COL22A1: variants seen among roughly 807,000 people sequenced by gnomAD.
The protein encoded by COL22A1 is collagen type XXII alpha 1 chain.
In COL22A1, 221 loss-of-function variants were observed where a neutral mutation model predicts 248.9. That is an observed-to-expected ratio of 0.89 (90% CI 0.80 to 0.99). COL22A1 has a LOEUF of 0.99. COL22A1 is among the 50% of genes least tolerant of loss of function. COL22A1 has a pLI of 0.00. For synonymous variants in COL22A1, 891 were observed against 793.4 expected (o/e 1.12, Z -2.07); for missense variants, 2,240 against 2,179.0 (o/e 1.03, Z -0.56).
At chr8:138,679,927 G>A (rs1825833589) in intron 39 of COL22A1, among the ~76,000 whole-genome samples, 1 of 152,166 alleles carries the variant, frequency 6.6e-6, no homozygotes, top group Admixed American at 6.5e-5. Flanking sequence ...AGAGGAGGCA[G>A]CATGACAGAA....
chr8:138,882,894 G>A (rs558247659), intron 2 of COL22A1, among the ~76,000 whole-genome samples, 188 bp downstream of exon 2: 4 of 152,262 alleles, frequency 2.6e-5, no homozygotes, highest in African/African-American at 9.6e-5. Flanking sequence ...GGCCCTTGCT[G>A]AGGAGCTGGT....
At chr8:138,605,929 T>C (rs190123795) in intron 58 of COL22A1, among the ~76,000 whole-genome samples, 1 of 152,266 alleles carries the variant, frequency 6.6e-6, no homozygotes, top group Admixed American at 6.5e-5. Flanking sequence ...TGCTCACCTT[T>C]ACTATTATTT....
intron 31 of COL22A1, 113 bp downstream of exon 31, chr8:138,703,193 C>T (rs1828107733): frequency 2.1e-6 from 2 of 958,568 alleles, no homozygotes; most frequent in South Asian, 1.3e-5. Context: ...TAGCTATTGG[C>T]AAACTCCAAT....
At chr8:138,623,682 C>A in intron 52 of COL22A1, 50 bp downstream of exon 52, 1 of 1,485,848 alleles carries the variant, frequency 6.7e-7, no homozygotes, top group Non-Finnish European at 9.2e-7. Flanking sequence ...TTGTTTTTGA[C>A]ATGTAATAGA....
intron 9 of COL22A1, among the ~76,000 whole-genome samples, chr8:138,809,198 CCT>C (rs1563792744): frequency 6.6e-6 from 1 of 152,162 alleles, no homozygotes; most frequent in East Asian, 1.9e-4. Context: ...TTCTCACCCC[CCT>C]GTGCTTGGGA....
chr8:138,844,907 G>T lies in COL22A1; in HGVS notation c.659-749C>A, dbSNP rs186543996. 1.5e-3 allele frequency among the ~76,000 whole-genome samples: 225 copies of T among 149,212 alleles called. 4 individuals carry two copies. The highest frequency in any genetic ancestry group is 2.8e-4 in the Non-Finnish European group (19 of 67,600). On this transcript the variant is annotated intron_variant, in intron 3 of 64. Coordinates refer to ENST00000303045, the MANE Select transcript of COL22A1 (RefSeq NM_152888.3). ...GGAGCTTGCAGTGAGCTGAGATCAC[G>T]TGGCTGCACTCCAGCCAGGGTGACA...
intron 44 of COL22A1, 113 bp from the exon 45 acceptor site, chr8:138,656,057 C>T (rs12675091): frequency 0.7 from 589,957 of 841,104 alleles, 215,645 homozygotes; most frequent in Middle Eastern, 0.8. Flanking sequence ...TGACACACTG[C>T]GCCGTGCGTG....
intron 13 of COL22A1, among the ~76,000 whole-genome samples, chr8:138,779,779 A>AGAAACAGG (rs1814793652): frequency 6.6e-6 from 1 of 151,970 alleles, no homozygotes; most frequent in Non-Finnish European, 1.5e-5. Flanking sequence ...TTTTTTCTTT[A>AGAAACAGG]GAAACAGGGT....
In COL22A1 at chr8:138,859,636, A is replaced by G. The variant is rs1176073322; in HGVS notation, c.659-15478T>C. ...CTAGAGAGGGCAAGTGAGGGGGTGT[A>G]GCACACAATCTAGGGGTGGCGCCAC... On this transcript the variant is annotated intron_variant, in intron 3 of 64. Transcript: ENST00000303045. Among the ~76,000 whole-genome samples, 3 of 152,100 alleles carry G rather than the reference A, an allele frequency of 2.0e-5. No homozygotes were observed. In the East Asian group the frequency reaches 5.8e-4, roughly 29 times the overall value.
chr8:138,707,934 A>G (rs1217896077), intron 30 of COL22A1, among the ~76,000 whole-genome samples: 2 of 152,220 alleles, frequency 1.3e-5, no homozygotes, highest in Non-Finnish European at 2.9e-5. Flanking sequence ...CAACTTCAGC[A>G]AAGTCTCAGG....
intron 58 of COL22A1, among the ~76,000 whole-genome samples, chr8:138,605,029 G>T (rs982647996): frequency 1.3e-5 from 2 of 152,094 alleles, no homozygotes; most frequent in African/African-American, 2.4e-5. Context: ...CACCAAGAGG[G>T]CCTCCAGGAT....
chr8:138,827,949 T>G (rs1586839425), intron 5 of COL22A1: 1 of 151,690 alleles, frequency 6.6e-6, no homozygotes, highest in Admixed American at 6.6e-5. Context: ...TTCCTCTCCT[T>G]CCCTCCACAA....
intron 3 of COL22A1, among the ~76,000 whole-genome samples, chr8:138,874,322 C>T (rs1823551493): frequency 6.6e-6 from 1 of 152,092 alleles, no homozygotes; most frequent in South Asian, 2.1e-4. Flanking sequence ...TCAGGGCGGA[C>T]GTGTGTTCTG....
chr8:138,795,142 G>C (rs1816392927), intron 12 of COL22A1, among the ~76,000 whole-genome samples: 1 of 152,170 alleles, frequency 6.6e-6, no homozygotes, highest in Admixed American at 6.5e-5. Flanking sequence ...TTGAGCATTT[G>C]GTTCCTGGTG....
chr8:138,717,407 A>T (rs936220995), intron 27 of COL22A1, among the ~76,000 whole-genome samples: 5 of 152,124 alleles, frequency 3.3e-5, no homozygotes, highest in Non-Finnish European at 7.3e-5. Context: ...TCGGCCTCCC[A>T]AAGTGCTGGG....
chr8:138,676,922 T>G (rs1482852924), intron 40 of COL22A1, among the ~76,000 whole-genome samples: 1 of 152,220 alleles, frequency 6.6e-6, no homozygotes, highest in Non-Finnish European at 1.5e-5. Flanking sequence ...CCTCCCCATG[T>G]GAGCATTGTC....
chr8:138,884,330 T>G (rs887387398), intron 1 of COL22A1, among the ~76,000 whole-genome samples: 1 of 152,118 alleles, frequency 6.6e-6, no homozygotes, highest in Non-Finnish European at 1.5e-5. Context: ...CCAGGCCAAC[T>G]TCACTGGGCA....
intron 23 of COL22A1, among the ~76,000 whole-genome samples, chr8:138,725,752 GACACACACACACACACACACACAC>G (rs66497386): frequency 2.7e-5 from 4 of 148,576 alleles, no homozygotes; most frequent in African/African-American, 5.0e-5. Context: ...CACATGTGCA[GACACACACACACACACACACACAC>G]ACACACACAC....
chr8:138,756,993 G>A (rs892172947), intron 18 of COL22A1, among the ~76,000 whole-genome samples: 9 of 152,114 alleles, frequency 5.9e-5, no homozygotes, highest in Admixed American at 2.0e-4. Context: ...CCTCAGAAAC[G>A]CTTCTCTATT....
Sources: gnomAD v4.1 joint callset for allele counts (sites outside exome capture counted in the v4.1 genomes callset) on GRCh38, gnomAD v4.1.1 for gene constraint, MANE v1.5 for transcripts, NCBI Gene and HGNC (gene_info 2026-07-23, HGNC 2026-07-21) for gene names.